ZC3H14: variants seen among roughly 807,000 people sequenced by gnomAD.
ZC3H14 encodes zinc finger CCCH domain-containing protein 14.
In ZC3H14, 31 loss-of-function variants were observed where a neutral mutation model predicts 92.4. The observed-to-expected ratio is 0.34, with a 90% CI of 0.25 to 0.45. The LOEUF (loss-of-function observed/expected upper bound fraction) is 0.45. Among genes scored for constraint, ZC3H14 ranks in the 20% least tolerant of loss-of-function variants. ZC3H14 has a pLI of 1.00. For missense variants in ZC3H14, 781 were observed against 897.3 expected (o/e 0.87, Z 1.66); for synonymous variants, 321 against 300.9 (o/e 1.07, Z -0.69).
Position 88,618,573 on chromosome 14 carries a change from AC to A in ZC3H14, c.*6823del. The A allele has an allele frequency of 6.7e-7, 1 of 1,488,584 alleles. No individual in the cohort carries two copies. Among genetic ancestry groups the A allele is most frequent in the East Asian group, 2.3e-5 (1 of 42,786 alleles). The allele number at this position is 1,488,584 out of a possible 1,614,324, so 92.2% of individuals were successfully genotyped here. A position where few individuals can be genotyped will look rare whatever the true frequency, so the allele number is the denominator to read the frequency against. On this transcript the variant is annotated 3_prime_UTR_variant, in exon 17 of 17. Transcript: ENST00000251038. ...GAAGCTGGAGCTCTGGAGCTCAGGA[AC>A]TTTAAATGCATTCACTAACACGAAA...
intron 9 of ZC3H14, chr14:88,594,969 T>G (rs753088272): frequency 6.2e-7 from 1 of 1,613,956 alleles, no homozygotes; most frequent in Non-Finnish European, 8.5e-7. Context: ...AAGCAAAAAT[T>G]TCATCTTTGG....
In ZC3H14 at chr14:88,600,182, C is replaced by T. The variant is rs562873414; in HGVS notation, c.1355-1742C>T. ...AGTTTCTCATCCCAGCTTTCTCTTC[C>T]GCCTGTCTCCCTTTACCATCTGTAC... On this transcript the variant is annotated intron_variant, in intron 10 of 16. Coordinates refer to ENST00000251038, the MANE Select transcript of ZC3H14 (RefSeq NM_024824.5). Among the ~76,000 whole-genome samples, 20 of 152,302 alleles carry T rather than the reference C, an allele frequency of 1.3e-4. No homozygotes were observed. In the South Asian group the frequency reaches 2.7e-3, roughly 21 times the overall value.
chr14:88,593,208 C>T (rs555479933), intron 9 of ZC3H14, among the ~76,000 whole-genome samples: 68 of 152,150 alleles, frequency 4.5e-4, no homozygotes, highest in Non-Finnish European at 6.3e-4. Flanking sequence ...CCTCATAATC[C>T]ACCCACCTTG....
At chr14:88,573,927 T>C (rs2080824245) in intron 6 of ZC3H14, among the ~76,000 whole-genome samples, 1 of 152,206 alleles carries the variant, frequency 6.6e-6, no homozygotes, top group Admixed American at 6.5e-5. Context: ...CCAAGTTTAT[T>C]TTTAAATTGT....
chr14:88,571,017 G>C, intron 3 of ZC3H14, 67 bp from the exon 4 acceptor site: 1 of 1,270,346 alleles, frequency 7.9e-7, no homozygotes, highest in Non-Finnish European at 1.1e-6. Flanking sequence ...CATAAATTTA[G>C]AGTGACAGTT....
intron 9 of ZC3H14, chr14:88,594,553 A>G (rs1878396005): frequency 6.9e-7 from 1 of 1,454,078 alleles, no homozygotes; most frequent in Non-Finnish European, 9.0e-7. Flanking sequence ...GTACAACCCC[A>G]TCTTTTGAAT....
At position 88,620,885 on chromosome 14, in the gene ZC3H14, A is replaced by G. The variant is rs1667389277; in HGVS notation, c.*9134A>G. ...TGTCCCCTTCAGGGCTGTAACACACAGTACGAGCAGCATGTCCCAAATTCA... is the reference window on the plus strand; with the variant it reads ...TGTCCCCTTCAGGGCTGTAACACACGGTACGAGCAGCATGTCCCAAATTCA... On this transcript the variant is annotated 3_prime_UTR_variant, in exon 17 of 17. Transcript: ENST00000251038. This position sits in a 1 kb window ranked among gnomAD's most constrained non-coding sequence, Gnocchi z 4.3. 1 of 1,550,460 alleles carries G rather than the reference A, an allele frequency of 6.4e-7. No homozygotes were observed. The highest frequency in any genetic ancestry group is 2.2e-5 in the Admixed American group (1 of 45,894).
Position 88,616,109 on chromosome 14 carries a change from G to A in ZC3H14, c.*4358G>A. On this transcript the variant is annotated 3_prime_UTR_variant, in exon 17 of 17. Coordinates refer to ENST00000251038, the MANE Select transcript of ZC3H14 (RefSeq NM_024824.5). ...ATTAAGTCTCTTAACTAGTAACATA[G>A]TCTGCTCTTCATGGGCTGAGAAAGT... 1 of 1,599,376 alleles carries A rather than the reference G, an allele frequency of 6.3e-7. No homozygotes were observed. Among genetic ancestry groups the A allele is most frequent in the Non-Finnish European group, 8.6e-7 (1 of 1,166,816 alleles).
In ZC3H14 at chr14:88,575,819, T is replaced by C. The variant is rs148361714; in HGVS notation, c.1023-21T>C. On this transcript the variant is annotated intron_variant, in intron 7 of 16. Coordinates refer to ENST00000251038, the MANE Select transcript of ZC3H14 (RefSeq NM_024824.5). ...ACTGAAATTTAAAGTTTAATAAAAA[T>C]ACCTTTCTTAACTCTTTTAGACCTT... 9.0e-5 allele frequency: 144 copies of C among 1,594,204 alleles called. 1 individual carries two copies. The African/African-American group carries it at 1.7e-3, about 19-fold the overall frequency.
chr14:88,602,196 C>A, intron 11 of ZC3H14, 113 bp downstream of exon 11: 8 of 1,433,934 alleles, frequency 5.6e-6, no homozygotes, highest in Non-Finnish European at 6.8e-6. Context: ...AGAGTGCTTT[C>A]ATTGATTCAG....
At chr14:88,593,056 C>G (rs2083357435) in intron 9 of ZC3H14, among the ~76,000 whole-genome samples, 1 of 150,970 alleles carries the variant, frequency 6.6e-6, no homozygotes, top group Non-Finnish European at 1.5e-5. Flanking sequence ...CAGTCTCTGC[C>G]TCCCGGGTTC....
At position 88,571,121 on chromosome 14, in the gene ZC3H14, A is replaced by C; in HGVS notation, c.232A>C (p.Thr78Pro). The change falls in exon 4 of 17, where the codon ACT (threonine) becomes CCT (proline). Residue 78 changes from threonine to proline, a missense_variant. Thr to Pro is a conservative substitution (Grantham distance 38). This residue lies in a region of ZC3H14 where 106 missense variants were observed against 154.2 expected (regional missense o/e 0.69). Transcript: ENST00000251038. ...ATTAGATAAACTTCGCTCTGTTACA[A>C]CTGGTAAGATTCATAACTTTTTTTT... is the stretch of plus-strand genomic sequence containing the variant. ...GVLDKLRSVT[T>P]EPSSLKSSDT... is the part of the protein sequence containing the mutation. 6.3e-7 allele frequency: 1 copy of C among 1,580,096 alleles called. No homozygotes were observed. Among genetic ancestry groups the C allele is most frequent in the Non-Finnish European group, 8.6e-7 (1 of 1,163,248 alleles).
chr14:88,604,686 C>T (rs1053269424), intron 12 of ZC3H14, among the ~76,000 whole-genome samples: 5 of 151,818 alleles, frequency 3.3e-5, no homozygotes, highest in African/African-American at 1.2e-4. Flanking sequence ...TTCTGCCTTC[C>T]AGGTTGAAAG....
In ZC3H14 at chr14:88,616,880, C is replaced by T. The variant is rs775319142; in HGVS notation, c.*5129C>T. ...TCCCAAAACCTCATCTCCTAGAATACTAGAGGGAAGGAACAAAAGAAAACT... is the reference window on the plus strand; with the variant it reads ...TCCCAAAACCTCATCTCCTAGAATATTAGAGGGAAGGAACAAAAGAAAACT... On this transcript the variant is annotated 3_prime_UTR_variant, in exon 17 of 17. Coordinates refer to ENST00000251038, the MANE Select transcript of ZC3H14 (RefSeq NM_024824.5). 1.2e-6 allele frequency: 2 copies of T among 1,612,726 alleles called. No homozygotes were observed. Among genetic ancestry groups the T allele is most frequent in the Non-Finnish European group, 8.5e-7 (1 of 1,179,418 alleles).
rs745538980 is a variant in ZC3H14 at position 88,572,558 on chromosome 14, T to C, written c.432-20T>C. The C allele has an allele frequency of 4.5e-5, 73 of 1,613,902 alleles. 1 individual carries two copies. In the South Asian group the frequency reaches 6.6e-4, roughly 15 times the overall value. On this transcript the variant is annotated intron_variant, in intron 5 of 16. Transcript: ENST00000251038. ...TTGCCCTAATTTGGCTGTAATACAT[T>C]TTGTTGTTCTTTTAAATAGACAGAC...
intron 15 of ZC3H14, 63 bp downstream of exon 15, chr14:88,609,866 C>CT (rs1376833440): frequency 1.9e-6 from 3 of 1,549,058 alleles, no homozygotes; most frequent in South Asian, 1.1e-5. Flanking sequence ...CATTTAACTT[C>CT]TTTTTTGTCA....
chr14:88,581,832 T>A (rs979986051), intron 9 of ZC3H14, among the ~76,000 whole-genome samples: 29 of 152,218 alleles, frequency 1.9e-4, no homozygotes, highest in South Asian at 1.2e-3. Flanking sequence ...TAATGACATT[T>A]TAAAAAAATA....
At chr14:88,571,378 C>G (rs554196527) in intron 4 of ZC3H14, among the ~76,000 whole-genome samples, 3 of 152,048 alleles carry the variant, frequency 2.0e-5, no homozygotes, top group African/African-American at 7.2e-5. Flanking sequence ...GATTTAGCCT[C>G]AAGGATATTT....
intron 2 of ZC3H14, among the ~76,000 whole-genome samples, chr14:88,567,133 T>TTTTTTTTTA (rs1312562362): frequency 6.6e-6 from 1 of 150,850 alleles, no homozygotes; most frequent in African/African-American, 2.4e-5. Flanking sequence ...TATTTTTTTT[T>TTTTTTTTTA]GAGACAGAGT....
Sources: gnomAD v4.1 joint callset for allele counts (sites outside exome capture counted in the v4.1 genomes callset) on GRCh38, gnomAD v4.1.1 for gene constraint, gnomAD v4.1.1 regional missense constraint, Gnocchi (gnomAD v3.1) non-coding constraint, MANE v1.5 for transcripts, NCBI Gene and HGNC (gene_info 2026-07-23, HGNC 2026-07-21) for gene names.